KCNG2: variants seen among roughly 807,000 people sequenced by gnomAD.
KCNG2 encodes potassium voltage-gated channel modifier subfamily G member 2, also known as voltage-gated potassium channel regulatory subunit KCNG2.
Under a neutral mutation model 12.3 loss-of-function variants are expected in KCNG2, and 7 were observed. The ratio of observed to expected loss-of-function variants is 0.57; its 90% CI spans 0.32 to 1.07. The LOEUF (loss-of-function observed/expected upper bound fraction) is 1.07. KCNG2 is among the 50% of genes least tolerant of loss of function. The probability of loss-of-function intolerance (pLI) is 0.04; values close to 1 mark genes in which losing one functional copy is unlikely to be tolerated. For missense variants in KCNG2, 703 were observed against 726.0 expected (o/e 0.97, Z 0.36); for synonymous variants, 414 against 351.4 (o/e 1.18, Z -1.99).
chr18:79,867,116 G>A (rs1045595222), intron 3 of KCNG2, among the ~76,000 whole-genome samples: 1 of 148,974 alleles, frequency 6.7e-6, no homozygotes, highest in Admixed American at 6.7e-5. Context: ...GGTGCTGAGA[G>A]GTCTGTGTGC....
chr18:79,872,279 A>ATTTTT (rs1568265416), intron 3 of KCNG2, among the ~76,000 whole-genome samples: 2 of 48,128 alleles, frequency 4.2e-5, no homozygotes, highest in Non-Finnish European at 5.5e-5. Context: ...TCAAAGCTTC[A>ATTTTT]GTTTTTTTTT....
intron 1 of KCNG2, among the ~76,000 whole-genome samples, chr18:79,811,416 C>T (rs544280589): frequency 5.7e-4 from 86 of 152,210 alleles, no homozygotes; most frequent in African/African-American, 2.0e-3. Context: ...AGAAATAAAC[C>T]TATACATCTG....
chr18:79,823,345 G>T (rs2087586479), intron 1 of KCNG2, among the ~76,000 whole-genome samples: 1 of 152,108 alleles, frequency 6.6e-6, no homozygotes, highest in South Asian at 2.1e-4. Context: ...ATCTCTGCAG[G>T]GTTGACTCCC....
In KCNG2 at chr18:79,897,378, A is replaced by G. The variant is rs552471004; in HGVS notation, c.625-1662A>G. Among the ~76,000 whole-genome samples, 272 of 152,134 alleles carry G rather than the reference A, an allele frequency of 1.8e-3. 1 individual carries two copies. Among genetic ancestry groups the G allele is most frequent in the African/African-American group, 6.5e-3 (269 of 41,508 alleles). ...TTTCTAGTGATTTTTAAATTATTTT[A>G]TTTCAATTATTGCACTTTTCAATTC... On this transcript the variant is annotated intron_variant, in intron 3 of 3. Coordinates refer to ENST00000316249, the MANE Select transcript of KCNG2 (RefSeq NM_012283.2).
chr18:79,883,238 C>T (rs1980388463), intron 3 of KCNG2, among the ~76,000 whole-genome samples: 2 of 151,972 alleles, frequency 1.3e-5, no homozygotes, highest in African/African-American at 4.8e-5. Context: ...GGGTTGGGGG[C>T]CAAGACTGGG....
At chr18:79,889,469 T>C (rs1349154369) in intron 3 of KCNG2, among the ~76,000 whole-genome samples, 10 of 129,136 alleles carry the variant, frequency 7.7e-5, no homozygotes, top group Non-Finnish European at 7.6e-5. Context: ...AGTGTAAGTT[T>C]TTTTGTTCTT....
rs111834144 is a variant in KCNG2, at chr18:79,889,705, C to A, written c.625-9335C>A. On this transcript the variant is annotated intron_variant, in intron 3 of 3. Transcript: ENST00000316249. ...CAACATGACATGACCTTCTCATTGG[C>A]CTAGTAGGCGTCTGTGCACATTCTG... Among the ~76,000 whole-genome samples the A allele has an allele frequency of 1.0e-2, 1,522 of 152,320 alleles. 4 individuals are homozygous for A. Among genetic ancestry groups the A allele is most frequent in the Non-Finnish European group, 0.015 (1,033 of 68,020 alleles).
chr18:79,885,522 G>A (rs997162987), intron 3 of KCNG2, among the ~76,000 whole-genome samples: 4 of 152,200 alleles, frequency 2.6e-5, no homozygotes, highest in African/African-American at 9.6e-5. Context: ...CTTGTTGTGG[G>A]CAGGGCGGCG....
intron 1 of KCNG2, among the ~76,000 whole-genome samples, chr18:79,820,081 G>C (rs775262704): frequency 6.6e-6 from 1 of 152,234 alleles, no homozygotes. Context: ...TGTCTGGGCA[G>C]TGCCCTCGTG....
At chr18:79,838,222 A>C (rs1363214132) in intron 1 of KCNG2, among the ~76,000 whole-genome samples, 1 of 152,218 alleles carries the variant, frequency 6.6e-6, no homozygotes, top group Non-Finnish European at 1.5e-5. Context: ...AGGTGGGGAC[A>C]CAGAGCCAAA....
intron 2 of KCNG2, among the ~76,000 whole-genome samples, chr18:79,858,481 T>C (rs1979100478): frequency 6.6e-6 from 1 of 152,260 alleles, no homozygotes; most frequent in Non-Finnish European, 1.5e-5. Flanking sequence ...TGATGGAATT[T>C]GGGTTGTTTT....
intron 1 of KCNG2, among the ~76,000 whole-genome samples, chr18:79,823,056 C>T (rs2087584140): frequency 6.6e-6 from 1 of 152,228 alleles, no homozygotes; most frequent in Non-Finnish European, 1.5e-5. Flanking sequence ...CTCCTCTGTT[C>T]CTCCTGCACA....
At chr18:79,807,605 C>T (rs565977234) in intron 1 of KCNG2, among the ~76,000 whole-genome samples, 1 of 152,210 alleles carries the variant, frequency 6.6e-6, no homozygotes, top group Non-Finnish European at 1.5e-5. Context: ...AATGCTCTCA[C>T]GCCTGGGCCA....
At chr18:79,813,158 A>G (rs1216540347) in intron 1 of KCNG2, among the ~76,000 whole-genome samples, 8 of 152,232 alleles carry the variant, frequency 5.3e-5, no homozygotes, top group Admixed American at 5.2e-4. Context: ...CCATCTTAAA[A>G]TAAATGAATA....
chr18:79,811,945 C>A (rs2087496931), intron 1 of KCNG2, among the ~76,000 whole-genome samples: 1 of 152,088 alleles, frequency 6.6e-6, no homozygotes, highest in African/African-American at 2.4e-5. Context: ...GACTGGAAAG[C>A]ATGGGCAGAG....
chr18:79,823,029 C>CT (rs1287134333), intron 1 of KCNG2, among the ~76,000 whole-genome samples: 2 of 152,332 alleles, frequency 1.3e-5, no homozygotes, highest in East Asian at 3.9e-4. Context: ...GGGAGACAGC[C>CT]TTAGTTTCTG....
chr18:79,824,089 G>A lies in KCNG2; in HGVS notation c.-115+26075G>A, dbSNP rs1487896893. 7.9e-5 allele frequency among the ~76,000 whole-genome samples: 12 copies of A among 152,072 alleles called. No homozygotes were observed. The East Asian group carries it at 1.5e-3, about 20-fold the overall frequency. On this transcript the variant is annotated intron_variant, in intron 1 of 3. Coordinates refer to ENST00000316249, the MANE Select transcript of KCNG2 (RefSeq NM_012283.2). The stretch of plus-strand genomic sequence containing the variant: ...ACGATCTTGGCTCACTGCAGCCTCC[G>A]CCCCCCAGGCTCAGATGATCCTCCC...
At chr18:79,835,013 C>G (rs1264848879) in intron 1 of KCNG2, among the ~76,000 whole-genome samples, 1 of 152,168 alleles carries the variant, frequency 6.6e-6, no homozygotes, top group Non-Finnish European at 1.5e-5. Flanking sequence ...ATATGGGGAG[C>G]AGTAACAAGA....
At position 79,807,761 on chromosome 18, in the gene KCNG2, T is replaced by A. The variant is rs143283559; in HGVS notation, c.-115+9747T>A. On this transcript the variant is annotated intron_variant, in intron 1 of 3. Coordinates refer to ENST00000316249, the MANE Select transcript of KCNG2 (RefSeq NM_012283.2). ...ACTCCATGTTATATGCCCAGAGTCC[T>A]CGCCCTGAGGAGCTGCCGGGGCCGC... 3.1e-5 allele frequency among the ~76,000 whole-genome samples: 4 copies of A among 127,636 alleles called. No homozygotes were observed. In the South Asian group the frequency reaches 1.1e-3, roughly 36 times the overall value. 83.7% of individuals were successfully genotyped at this position (127,636 alleles called of 152,430 possible).
Sources: allele counts gnomAD v4.1 joint callset (sites outside exome capture counted in the v4.1 genomes callset), GRCh38; gene constraint gnomAD v4.1.1; transcripts MANE v1.5; gene names NCBI Gene and HGNC (gene_info 2026-07-23, HGNC 2026-07-21).